The following ZNF831 variants were observed in gnomAD, a reference collection of about 807,000 sequenced individuals.
ZNF831 encodes chromosome 20 open reading frame 174.
ZNF831 carries 59 observed loss-of-function variants against 95.8 expected under a neutral mutation model. The observed-to-expected ratio is 0.62, with a 90% CI of 0.50 to 0.77. The LOEUF (loss-of-function observed/expected upper bound fraction) is 0.77, where lower values mean the gene tolerates loss of function less well. Ranked by LOEUF, ZNF831 falls within the 30% of genes least tolerant of loss-of-function variation. The pLI is 0.00. For synonymous variants in ZNF831, 961 were observed against 925.5 expected (o/e 1.04, Z -0.70); for missense variants, 2,205 against 2,164.0 (o/e 1.02, Z -0.38).
At chr20:59,173,561 C>T (rs1471857156) in intron 1 of ZNF831, among the ~76,000 whole-genome samples, 1 of 152,220 alleles carries the variant, frequency 6.6e-6, no homozygotes, top group Non-Finnish European at 1.5e-5. Flanking sequence ...TTCCAAGGCA[C>T]ATGTTCTAAA....
intron 1 of ZNF831, among the ~76,000 whole-genome samples, chr20:59,188,932 G>A (rs62204013): frequency 0.051 from 7,789 of 152,246 alleles, 466 homozygotes; most frequent in East Asian, 0.28. Flanking sequence ...TATAATCCCA[G>A]CACTTTGGGA....
rs1279837468 is a variant in ZNF831, at chr20:59,254,122, G to A, written c.4413G>A (p.Arg1471=). 1 of 1,613,902 alleles carries A rather than the reference G, an allele frequency of 6.2e-7. No homozygotes were observed. The highest frequency in any genetic ancestry group is 1.3e-5 in the African/African-American group (1 of 74,844). The change falls in exon 6 of 6, where the codon AGG becomes AGA. Residue 1471 remains arginine, a synonymous_variant. Transcript: ENST00000371030. This position sits in a 1 kb window ranked among gnomAD's most constrained non-coding sequence, Gnocchi z 4.5. ...PKPYIFSDAQ[R]PSSFGSKGTF... Reference sequence around the variant, plus strand: ...CATACATCTTCTCAGATGCTCAAAGGCCTTCTTCCTTTGGGTCCAAAGGAA... The same window carrying A: ...CATACATCTTCTCAGATGCTCAAAGACCTTCTTCCTTTGGGTCCAAAGGAA...
rs1424844330 is a variant in ZNF831 at position 59,208,816 on chromosome 20, T to C, written c.4027+1760T>C. Among the ~76,000 whole-genome samples the C allele has an allele frequency of 6.6e-6, 1 of 152,166 alleles. No individual in the cohort carries two copies. The highest frequency in any genetic ancestry group is 2.4e-5 in the African/African-American group (1 of 41,442). On this transcript the variant is annotated intron_variant, in intron 4 of 5. Coordinates refer to ENST00000371030, the MANE Select transcript of ZNF831 (RefSeq NM_178457.3). The surrounding 1 kb of genome is among the most constrained non-coding windows in gnomAD (Gnocchi z 4.2). ...CAGAGAGCTGGTAGCCCCCGCTACC[T>C]GGGAGGTTCTGATGGTCACTGGTGG...
Position 59,253,156 on chromosome 20 carries a change from G to T in ZNF831, c.4188+18G>T, listed in dbSNP as rs1453545226. Reference sequence around the variant, plus strand: ...CTGTGAAGGTGGGCATGATGATTTTGAGCTGCCTCTACCTATTCCTGGTCT... The same window carrying T: ...CTGTGAAGGTGGGCATGATGATTTTTAGCTGCCTCTACCTATTCCTGGTCT... On this transcript the variant is annotated intron_variant, in intron 5 of 5. Coordinates refer to ENST00000371030, the MANE Select transcript of ZNF831 (RefSeq NM_178457.3). The T allele has an allele frequency of 6.2e-7, 1 of 1,613,476 alleles. No homozygotes were observed. Among genetic ancestry groups the T allele is most frequent in the South Asian group, 1.1e-5 (1 of 90,978 alleles).
At chr20:59,152,507 C>T (rs377490277) in intron 2 of ZNF831, among the ~76,000 whole-genome samples, 19 of 152,102 alleles carry the variant, frequency 1.2e-4, no homozygotes, top group Non-Finnish European at 1.9e-4. Context: ...CGCATCCATC[C>T]GTGCATGCCG....
chr20:59,232,395 C>T (rs1334452355), intron 4 of ZNF831, among the ~76,000 whole-genome samples: 2 of 151,806 alleles, frequency 1.3e-5, no homozygotes, highest in African/African-American at 2.4e-5. Flanking sequence ...TGATCTCGCT[C>T]ATGGGGGTAG....
intron 1 of ZNF831, 36 bp from the exon 2 acceptor site, chr20:59,190,948 G>A: frequency 6.9e-7 from 1 of 1,455,714 alleles, no homozygotes; most frequent in Non-Finnish European, 9.0e-7. Context: ...GGAGAGAGGA[G>A]AGGTGCCCAT....
chr20:59,166,673 T>C (rs1981295833), intron 1 of ZNF831, among the ~76,000 whole-genome samples: 1 of 152,204 alleles, frequency 6.6e-6, no homozygotes. Flanking sequence ...ATGGAATCAT[T>C]CAGTGTGGTG....
In ZNF831 at chr20:59,194,513, G is replaced by A. The variant is rs1278206509; in HGVS notation, c.3494G>A (p.Arg1165His). The change falls in exon 2 of 6, where the codon CGC (arginine) becomes CAC (histidine). Residue 1165 changes from arginine (R) to histidine (H), a missense_variant. By Grantham distance (29) the Arg-to-His change is conservative. Coordinates refer to ENST00000371030, the MANE Select transcript of ZNF831 (RefSeq NM_178457.3). ...GGGACGTCCCGGAGCCACAGCACCCGCAGTCCCCACAGCACCCAAAACCCC... is the reference window on the plus strand; with the variant it reads ...GGGACGTCCCGGAGCCACAGCACCCACAGTCCCCACAGCACCCAAAACCCC... ...HSGTSRSHST[R>H]SPHSTQNPFP... The A allele has an allele frequency of 3.0e-5, 48 of 1,609,080 alleles. 1 individual carries two copies. In the Admixed American group the frequency reaches 5.7e-4, roughly 19 times the overall value.
intron 4 of ZNF831, among the ~76,000 whole-genome samples, chr20:59,246,068 C>T (rs181829575): frequency 2.6e-5 from 4 of 152,206 alleles, no homozygotes; most frequent in South Asian, 2.1e-4. Flanking sequence ...TTGTTCATCA[C>T]GGGCCTGGGC....
At chr20:59,147,336 C>A (rs1329755876) in intron 2 of ZNF831, among the ~76,000 whole-genome samples, 3 of 152,246 alleles carry the variant, frequency 2.0e-5, no homozygotes, top group Non-Finnish European at 4.4e-5. Context: ...GCGTGTCACT[C>A]TAGCTGGAGG....
intron 1 of ZNF831, among the ~76,000 whole-genome samples, chr20:59,133,676 A>G (rs1309949812): frequency 6.6e-6 from 1 of 152,188 alleles, no homozygotes; most frequent in African/African-American, 2.4e-5. Flanking sequence ...GTGAGGAAGA[A>G]GCACATGCTG....
At position 59,194,714 on chromosome 20, in the gene ZNF831, C is replaced by T. The variant is rs1167841853; in HGVS notation, c.3695C>T (p.Thr1232Ile). 2 of 1,595,120 alleles carry T rather than the reference C, an allele frequency of 1.3e-6. No individual in the cohort carries two copies. The highest frequency in any genetic ancestry group is 1.1e-5 in the South Asian group (1 of 87,840). The part of the protein sequence containing the change: ...NGPPGSNGGW[T>I]WTSPGEGGPA... ...CCTCCTGGGAGCAATGGAGGATGGA[C>T]CTGGACAAGCCCTGGAGAAGGAGGG... is the stretch of plus-strand genomic sequence containing the variant. Residue 1232 changes from threonine (T) to isoleucine (I), a missense_variant, in exon 2 of 6, where the codon ACC becomes ATC. Transcript: ENST00000371030.
chr20:59,230,239 C>T (rs1986650873), intron 4 of ZNF831, among the ~76,000 whole-genome samples: 1 of 152,126 alleles, frequency 6.6e-6, no homozygotes, highest in African/African-American at 2.4e-5. Flanking sequence ...CCTGTCGCAA[C>T]TATTCAATAC....
chr20:59,204,405 C>T (rs190765306), intron 3 of ZNF831, among the ~76,000 whole-genome samples: 2 of 152,338 alleles, frequency 1.3e-5, no homozygotes, highest in South Asian at 2.1e-4. Flanking sequence ...ATGTGACCCC[C>T]ACCACATGTG....
At chr20:59,195,724 CAG>C in intron 2 of ZNF831, 143 bp from the exon 3 acceptor site, 1 of 1,468,014 alleles carries the variant, frequency 6.8e-7, no homozygotes, top group Non-Finnish European at 9.0e-7. Flanking sequence ...TTGAACTTCT[CAG>C]GGGCTCAGCC....
rs753138439 is a variant in ZNF831 at position 59,194,110 on chromosome 20, G to A, written c.3091G>A (p.Ala1031Thr). Residue 1031 changes from alanine (A) to threonine (T), a missense_variant, in exon 2 of 6, where the codon GCC becomes ACC. Ala to Thr is a moderately conservative substitution (Grantham distance 58). Coordinates refer to ENST00000371030, the MANE Select transcript of ZNF831 (RefSeq NM_178457.3). ...QLGGDKGDRM[A>T]TSRPAARELP... ...GGGGGGGGACAAGGGGGACAGGATGGCCACTAGCAGGCCAGCAGCCAGGGA... is the reference window on the plus strand; with the variant it reads ...GGGGGGGGACAAGGGGGACAGGATGACCACTAGCAGGCCAGCAGCCAGGGA... 2 of 1,554,102 alleles carry A rather than the reference G, an allele frequency of 1.3e-6. No individual in the cohort carries two copies. The highest frequency in any genetic ancestry group is 1.7e-6 in the Non-Finnish European group (2 of 1,149,584).
At chr20:59,247,643 A>G (rs1424783735) in intron 4 of ZNF831, among the ~76,000 whole-genome samples, 1 of 152,230 alleles carries the variant, frequency 6.6e-6, no homozygotes, top group East Asian at 1.9e-4. Flanking sequence ...ATTTAATCAC[A>G]GATTAATTAA....
intron 1 of ZNF831, among the ~76,000 whole-genome samples, chr20:59,179,916 A>G (rs1300012245): frequency 6.6e-6 from 1 of 152,170 alleles, no homozygotes; most frequent in Non-Finnish European, 1.5e-5. Flanking sequence ...CTCACCTATC[A>G]GGCAGCTAGG....
Sources: allele counts gnomAD v4.1 joint callset (sites outside exome capture counted in the v4.1 genomes callset), GRCh38; gene constraint gnomAD v4.1.1; non-coding constraint Gnocchi (gnomAD v3.1); transcripts MANE v1.5; gene names NCBI Gene and HGNC (gene_info 2026-07-23, HGNC 2026-07-21).